Variants in VWDE observed in about 807,000 individuals in gnomAD.
VWDE encodes von Willebrand factor D and EGF domains.
VWDE carries 207 observed loss-of-function variants against 178.4 expected under a neutral mutation model. The ratio of observed to expected loss-of-function variants is 1.16; its 90% CI spans 1.04 to 1.30. VWDE has a LOEUF of 1.30. Ranked by LOEUF, VWDE falls within the 50% of genes most tolerant of loss-of-function variation. The pLI is 0.00. For synonymous variants in VWDE, 738 were observed against 651.4 expected (o/e 1.13, Z -2.02); for missense variants, 2,287 against 1,901.3 (o/e 1.20, Z -3.77).
intron 28 of VWDE, among the ~76,000 whole-genome samples, chr7:12,331,419 C>G (rs970322601): frequency 1.3e-5 from 2 of 152,134 alleles, no homozygotes; most frequent in Admixed American, 6.5e-5. Flanking sequence ...CTAGGTGATT[C>G]CATCGTGGCA....
At chr7:12,341,056 T>C (rs1304301734) in intron 23 of VWDE, among the ~76,000 whole-genome samples, 1 of 152,224 alleles carries the variant, frequency 6.6e-6, no homozygotes, top group Non-Finnish European at 1.5e-5. Context: ...AAAATTAATT[T>C]CTTCCTTCTC....
chr7:12,393,641 A>G lies in VWDE; in HGVS notation c.196T>C (p.Phe66Leu). 1.3e-6 allele frequency: 2 copies of G among 1,551,160 alleles called. No individual in the cohort carries two copies. Among genetic ancestry groups the G allele is most frequent in the Non-Finnish European group, 1.7e-6 (2 of 1,146,646 alleles). Residue 66 changes from phenylalanine (F) to leucine (L), a missense_variant, in exon 2 of 29, where the codon TTT becomes CTT. Transcript: ENST00000275358. ...TCGGCAGGTCTGTCAAGGATGAGAA[A>G]TCTATACCATCCAGGGGAGAGGGAA... ...DHSLSPGWYR[F>L]LILDRPAEMP...
chr7:12,393,497 T>A lies in VWDE; in HGVS notation c.243+97A>T, dbSNP rs532477143. On this transcript the variant is annotated intron_variant, in intron 2 of 28. Coordinates refer to ENST00000275358, the MANE Select transcript of VWDE (RefSeq NM_001135924.3). ...AACTCAATACAAAATTAAAACAACA[T>A]TTTAGCATGAGAAATAAGCTGGTGG... 3.1e-4 allele frequency: 330 copies of A among 1,081,932 alleles called. 4 individuals are homozygous for A. In the South Asian group the frequency reaches 6.1e-3, roughly 20 times the overall value. 67.0% of individuals were successfully genotyped at this position (1,081,932 alleles called of 1,614,324 possible). A position where few individuals can be genotyped will look rare whatever the true frequency, so the allele number is the denominator to read the frequency against.
chr7:12,382,141 T>C (rs1783882522), intron 4 of VWDE, among the ~76,000 whole-genome samples: 2 of 151,798 alleles, frequency 1.3e-5, no homozygotes, highest in Non-Finnish European at 3.0e-5. Context: ...ATACTTTCAT[T>C]TGGTGTTGCT....
chr7:12,398,721 G>A (rs1158790945), intron 1 of VWDE, among the ~76,000 whole-genome samples: 15 of 152,118 alleles, frequency 9.9e-5, no homozygotes, highest in Non-Finnish European at 2.2e-4. Flanking sequence ...CCATAAAAAA[G>A]ACTAAAACGT....
At chr7:12,373,632 G>A (rs568488746) in intron 9 of VWDE, among the ~76,000 whole-genome samples, 2 of 152,110 alleles carry the variant, frequency 1.3e-5, no homozygotes, top group South Asian at 4.1e-4. Context: ...TTCACAGCAA[G>A]TATCTTCCTC....
rs576837314 is a variant in VWDE, at chr7:12,402,066, A to T, written c.58+1593T>A. 9.2e-5 allele frequency among the ~76,000 whole-genome samples: 14 copies of T among 152,332 alleles called. No individual in the cohort carries two copies. In the East Asian group the frequency reaches 2.3e-3, roughly 25 times the overall value. On this transcript the variant is annotated intron_variant, in intron 1 of 28. Transcript: ENST00000275358. ...CAAAAGACAACCTATTATATGATTC[A>T]GTTTACATAAAATATCCAGAATAGG... is the stretch of plus-strand genomic sequence containing the variant.
At chr7:12,380,861 G>T (rs1003109101) in intron 4 of VWDE, 128 bp from the exon 5 acceptor site, 17 of 1,120,456 alleles carry the variant, frequency 1.5e-5, no homozygotes, top group African/African-American at 4.8e-5. Context: ...TTAGAAAAAT[G>T]ATTATTTCTA....
chr7:12,351,436 A>C, intron 19 of VWDE, 137 bp downstream of exon 19: 1 of 920,782 alleles, frequency 1.1e-6, no homozygotes, highest in Non-Finnish European at 1.5e-6. Context: ...AGAAAGGATA[A>C]ATTTTAAACC....
At chr7:12,400,843 G>C (rs1784862246) in intron 1 of VWDE, among the ~76,000 whole-genome samples, 1 of 152,028 alleles carries the variant, frequency 6.6e-6, no homozygotes, top group Admixed American at 6.6e-5. Context: ...GGAACATAAA[G>C]CATACATATA....
At chr7:12,373,451 C>T (rs1783330385) in intron 9 of VWDE, among the ~76,000 whole-genome samples, 1 of 152,094 alleles carries the variant, frequency 6.6e-6, no homozygotes, top group African/African-American at 2.4e-5. Context: ...TTGAGCAGGG[C>T]AGGCTGGCTC....
Position 12,344,384 on chromosome 7 carries a change from G to A in VWDE, c.3972C>T (p.Asn1324=). The A allele has an allele frequency of 6.4e-7, 1 of 1,550,882 alleles. No individual in the cohort carries two copies. Among genetic ancestry groups the A allele is most frequent in the African/African-American group, 1.4e-5 (1 of 73,108 alleles). The part of the protein sequence containing the change: ...CKCKPGYIGS[N]CQTALCDPDC... ...AATGATGTTACCTACCAGTTTGGCA[G>A]TTAGAACCAATGTAACCAGGTTTAC... The change falls in exon 20 of 29, where the codon AAC becomes AAT. Residue 1324 remains asparagine, a synonymous_variant. Coordinates refer to ENST00000275358, the MANE Select transcript of VWDE (RefSeq NM_001135924.3).
intron 13 of VWDE, among the ~76,000 whole-genome samples, chr7:12,365,548 G>C (rs116206800): frequency 6.6e-6 from 1 of 152,216 alleles, no homozygotes; most frequent in African/African-American, 2.4e-5. Flanking sequence ...AAGAAGGTGA[G>C]CAGGAATCGA....
intron 19 of VWDE, 29 bp downstream of exon 19, chr7:12,351,544 A>T (rs1435470840): frequency 2.8e-5 from 43 of 1,522,808 alleles, no homozygotes; most frequent in South Asian, 3.9e-5. Context: ...ATTACTTGTC[A>T]TTAGATTTTA....
At chr7:12,397,055 A>C (rs769949876) in intron 1 of VWDE, among the ~76,000 whole-genome samples, 2 of 152,002 alleles carry the variant, frequency 1.3e-5, no homozygotes, top group Non-Finnish European at 2.9e-5. Context: ...TTACAAAATT[A>C]GAAAAAAAAA....
intron 3 of VWDE, among the ~76,000 whole-genome samples, chr7:12,384,485 T>C (rs1190784595): frequency 2.0e-5 from 3 of 152,106 alleles, no homozygotes; most frequent in Admixed American, 1.3e-4. Flanking sequence ...CGGACCGTAA[T>C]GTAAACTATA....
At chr7:12,340,455 T>A in intron 23 of VWDE, 38 bp from the exon 24 acceptor site, 1 of 1,462,806 alleles carries the variant, frequency 6.8e-7, no homozygotes, top group Non-Finnish European at 9.3e-7. Context: ...CATAAAAGTT[T>A]TATTATTTAA....
intron 27 of VWDE, chr7:12,333,812 A>G (rs113771338): frequency 3.4e-5 from 11 of 320,696 alleles, no homozygotes; most frequent in African/African-American, 2.1e-4. Context: ...ATATTATTAA[A>G]AGAAACAAAA....
chr7:12,397,311 C>A (rs1196275380), intron 1 of VWDE, among the ~76,000 whole-genome samples: 1 of 152,114 alleles, frequency 6.6e-6, no homozygotes, highest in Non-Finnish European at 1.5e-5. Flanking sequence ...CAAAAATTAG[C>A]AATGGGAAAA....
Sources: allele counts gnomAD v4.1 joint callset (sites outside exome capture counted in the v4.1 genomes callset), GRCh38; gene constraint gnomAD v4.1.1; transcripts MANE v1.5; gene names NCBI Gene and HGNC (gene_info 2026-07-23, HGNC 2026-07-21).